Variants in LHFPL3 observed in about 807,000 individuals in gnomAD.
The protein encoded by LHFPL3 is LHFPL tetraspan subfamily member 3.
In LHFPL3, 5 loss-of-function variants were observed where a neutral mutation model predicts 19.3. The observed-to-expected ratio is 0.26, with a 90% CI of 0.14 to 0.54. LHFPL3 has a LOEUF of 0.54. Ranked by LOEUF, LHFPL3 falls within the 20% of genes least tolerant of loss-of-function variation. LHFPL3 has a pLI of 0.94. For missense variants in LHFPL3, 249 were observed against 307.4 expected (o/e 0.81, Z 1.42); for synonymous variants, 133 against 126.2 (o/e 1.05, Z -0.36).
At chr7:104,597,829 A>T (rs976116326) in intron 1 of LHFPL3, among the ~76,000 whole-genome samples, 16 of 152,214 alleles carry the variant, frequency 1.1e-4, no homozygotes, top group African/African-American at 3.6e-4. Flanking sequence ...CATGAATTAC[A>T]ATTTTTACCC....
chr7:104,745,211 G>C (rs1213864655), intron 2 of LHFPL3, among the ~76,000 whole-genome samples: 1 of 152,110 alleles, frequency 6.6e-6, no homozygotes, highest in Non-Finnish European at 1.5e-5. Flanking sequence ...CAGGGTTCCT[G>C]GGAAACTTTT....
At chr7:104,736,244 A>C (rs758075344) in intron 1 of LHFPL3, among the ~76,000 whole-genome samples, 1 of 152,314 alleles carries the variant, frequency 6.6e-6, no homozygotes, top group East Asian at 1.9e-4. Context: ...AGTGTTTGCC[A>C]TGTTATCCTT....
chr7:104,375,538 G>A (rs1790697684), intron 1 of LHFPL3, among the ~76,000 whole-genome samples: 1 of 152,092 alleles, frequency 6.6e-6, no homozygotes, highest in Admixed American at 6.6e-5. Flanking sequence ...TTACACCTGG[G>A]AAAAACTGGA....
chr7:104,730,939 G>A (rs1053578381), intron 1 of LHFPL3, among the ~76,000 whole-genome samples: 5 of 151,360 alleles, frequency 3.3e-5, no homozygotes, highest in Non-Finnish European at 5.9e-5. Flanking sequence ...GTAAGGAAGG[G>A]ATACAGTTTC....
chr7:104,540,634 C>G (rs1584389675), intron 1 of LHFPL3, among the ~76,000 whole-genome samples: 1 of 152,290 alleles, frequency 6.6e-6, no homozygotes, highest in East Asian at 1.9e-4. Flanking sequence ...AAGAAATGAG[C>G]ATTTATTGAC....
chr7:104,812,481 C>T (rs1386747692), intron 2 of LHFPL3, among the ~76,000 whole-genome samples: 2 of 152,034 alleles, frequency 1.3e-5, no homozygotes, highest in Non-Finnish European at 2.9e-5. Context: ...CATAATGAGA[C>T]CCCCATGTCT....
intron 1 of LHFPL3, among the ~76,000 whole-genome samples, chr7:104,515,859 T>A (rs140248987): frequency 6.6e-6 from 1 of 151,982 alleles, no homozygotes; most frequent in Admixed American, 6.6e-5. Context: ...GGATGAAGAG[T>A]TCTTCTAGGA....
intron 2 of LHFPL3, among the ~76,000 whole-genome samples, chr7:104,822,493 T>C (rs1369585332): frequency 6.6e-6 from 1 of 152,186 alleles, no homozygotes; most frequent in Non-Finnish European, 1.5e-5. Context: ...TCCTGTGCAT[T>C]GTAGGATGTT....
At chr7:104,518,131 C>T (rs1474706901) in intron 1 of LHFPL3, among the ~76,000 whole-genome samples, 2 of 152,122 alleles carry the variant, frequency 1.3e-5, no homozygotes, top group Non-Finnish European at 2.9e-5. Context: ...CAACAAACCA[C>T]TAGTAACACT....
At chr7:104,461,489 G>A (rs1429987096) in intron 1 of LHFPL3, among the ~76,000 whole-genome samples, 1 of 152,176 alleles carries the variant, frequency 6.6e-6, no homozygotes, top group Non-Finnish European at 1.5e-5. Flanking sequence ...GTTTTCGTCA[G>A]CTTTGATGAA....
intron 1 of LHFPL3, among the ~76,000 whole-genome samples, chr7:104,382,944 C>G (rs4610659): frequency 6.6e-6 from 1 of 151,906 alleles, no homozygotes; most frequent in Admixed American, 6.5e-5. Flanking sequence ...GCCAGTCACT[C>G]TTCACAGTAG....
intron 1 of LHFPL3, among the ~76,000 whole-genome samples, chr7:104,524,023 A>G (rs143699317): frequency 1.4e-3 from 215 of 152,106 alleles, no homozygotes; most frequent in African/African-American, 5.0e-3. Flanking sequence ...ATCAATTAAT[A>G]TAATAGAATC....
rs1029629356 is a variant in LHFPL3 at position 104,470,602 on chromosome 7, A to G, written c.445+141378A>G. Among the ~76,000 whole-genome samples, 9 of 152,300 alleles carry G rather than the reference A, an allele frequency of 5.9e-5. No homozygotes were observed. In the South Asian group the frequency reaches 1.2e-3, roughly 21 times the overall value. On this transcript the variant is annotated intron_variant, in intron 1 of 2. Transcript: ENST00000424859. ...CTACAAATATTAACTCACTGATTCTAATAAAAACCCTATCATTCCCTATTG... is the reference window on the plus strand; with the variant it reads ...CTACAAATATTAACTCACTGATTCTGATAAAAACCCTATCATTCCCTATTG...
At chr7:104,634,852 T>C (rs1004640849) in intron 1 of LHFPL3, among the ~76,000 whole-genome samples, 1 of 152,092 alleles carries the variant, frequency 6.6e-6, no homozygotes, top group Non-Finnish European at 1.5e-5. Context: ...CTCTTAAATA[T>C]AAATGGACAG....
intron 1 of LHFPL3, among the ~76,000 whole-genome samples, chr7:104,543,014 A>T: frequency 6.6e-6 from 1 of 152,116 alleles, no homozygotes; most frequent in Non-Finnish European, 1.5e-5. Context: ...GACATGGATG[A>T]AGCTGGAAAC....
intron 2 of LHFPL3, among the ~76,000 whole-genome samples, chr7:104,755,904 A>T (rs1477920838): frequency 6.6e-6 from 1 of 152,202 alleles, no homozygotes; most frequent in East Asian, 1.9e-4. Context: ...CATGTTGGTC[A>T]GGCTGGTCTT....
chr7:104,856,007 T>A (rs1716489766), intron 2 of LHFPL3, among the ~76,000 whole-genome samples: 1 of 152,132 alleles, frequency 6.6e-6, no homozygotes, highest in Non-Finnish European at 1.5e-5. Flanking sequence ...TGAAGATAAT[T>A]TCAGTCCTGT....
intron 2 of LHFPL3, among the ~76,000 whole-genome samples, chr7:104,862,821 C>A (rs1791641251): frequency 6.6e-6 from 1 of 152,202 alleles, no homozygotes; most frequent in South Asian, 2.1e-4. Flanking sequence ...AACATTCATT[C>A]CACGGGAGAG....
intron 2 of LHFPL3, among the ~76,000 whole-genome samples, chr7:104,770,764 C>G (rs1286944560): frequency 6.6e-6 from 1 of 152,172 alleles, no homozygotes; most frequent in Non-Finnish European, 1.5e-5. Context: ...TCATCTGAAG[C>G]AAAACCAGAT....
Sources: gnomAD v4.1 joint callset for allele counts (sites outside exome capture counted in the v4.1 genomes callset) on GRCh38, gnomAD v4.1.1 for gene constraint, MANE v1.5 for transcripts, NCBI Gene and HGNC (gene_info 2026-07-23, HGNC 2026-07-21) for gene names.